R3HDM1: variants seen among roughly 807,000 people sequenced by gnomAD.
The protein encoded by R3HDM1 is R3H domain-containing protein 1.
In R3HDM1, 46 loss-of-function variants were observed where a neutral mutation model predicts 141.1. That is an observed-to-expected ratio of 0.33 (90% CI 0.26 to 0.42). R3HDM1 has a LOEUF of 0.42. R3HDM1 is among the 10% of genes least tolerant of loss of function. The pLI, the probability that R3HDM1 is intolerant of heterozygous loss-of-function variation, is 1.00. For missense variants in R3HDM1, 1,184 were observed against 1,368.3 expected, an observed-to-expected ratio of 0.87 and a Z score of 2.12; for synonymous variants, 435 against 472.9, an observed-to-expected ratio of 0.92 and a Z score of 1.04.
chr2:135,643,276 G>C (rs1309032958), intron 15 of R3HDM1, among the ~76,000 whole-genome samples: 1 of 151,972 alleles, frequency 6.6e-6, no homozygotes, highest in Non-Finnish European at 1.5e-5. Context: ...CTTGTTTTTA[G>C]TTATCTATAA....
intron 21 of R3HDM1, among the ~76,000 whole-genome samples, chr2:135,699,033 A>AGATT (rs1212740806): frequency 4.6e-5 from 4 of 86,314 alleles, no homozygotes; most frequent in Admixed American, 1.2e-4. Context: ...ATAGATAGAT[A>AGATT]GATAGATAGA....
intron 19 of R3HDM1, among the ~76,000 whole-genome samples, chr2:135,666,341 C>T (rs1279094746): frequency 6.6e-6 from 1 of 152,192 alleles, no homozygotes; most frequent in African/African-American, 2.4e-5. Context: ...TTACTGACAA[C>T]TTTCAATCCA....
At chr2:135,543,911 C>T (rs1037571731) in intron 1 of R3HDM1, among the ~76,000 whole-genome samples, 1 of 152,122 alleles carries the variant, frequency 6.6e-6, no homozygotes, top group African/African-American at 2.4e-5. Context: ...TCAGACCACA[C>T]TTAGAGAACC....
At chr2:135,565,646 A>G (rs1241238697) in intron 1 of R3HDM1, 1 of 152,000 alleles carries the variant, frequency 6.6e-6, no homozygotes, top group African/African-American at 2.4e-5. Context: ...AATTAAAAAT[A>G]TAACTTGATA....
At chr2:135,548,578 GC>G (rs373614205) in intron 1 of R3HDM1, among the ~76,000 whole-genome samples, 1 of 149,016 alleles carries the variant, frequency 6.7e-6, no homozygotes, top group Non-Finnish European at 1.5e-5. Context: ...CCCAGTCATC[GC>G]CCCCCCACCC....
chr2:135,700,158 C>T (rs536263861), intron 21 of R3HDM1, among the ~76,000 whole-genome samples: 1 of 149,660 alleles, frequency 6.7e-6, no homozygotes, highest in South Asian at 2.1e-4. Context: ...CATAAGAATC[C>T]AAATAAAAAG....
intron 1 of R3HDM1, among the ~76,000 whole-genome samples, chr2:135,541,938 G>C (rs1485442698): frequency 1.3e-5 from 2 of 151,548 alleles, no homozygotes; most frequent in African/African-American, 4.8e-5. Flanking sequence ...TACCCAAAAT[G>C]TGTGAGACCA....
intron 1 of R3HDM1, chr2:135,581,185 G>A: frequency 1.0e-6 from 1 of 985,064 alleles, no homozygotes; most frequent in African/African-American, 1.7e-5. Flanking sequence ...AATAATGGTT[G>A]CCTATATTAA....
chr2:135,669,638 T>C, intron 19 of R3HDM1: 1 of 893,438 alleles, frequency 1.1e-6, no homozygotes. Flanking sequence ...CAGACAGCTG[T>C]GTGCAGCTCT....
intron 19 of R3HDM1, chr2:135,669,080 T>C (rs1017028358): frequency 1.1e-6 from 1 of 923,300 alleles, no homozygotes; most frequent in African/African-American, 1.8e-5. Context: ...TCTCACTGTT[T>C]TGCCTAGACT....
chr2:135,645,208 CATG>C, intron 15 of R3HDM1, 168 bp from the exon 16 acceptor site: 1 of 521,172 alleles, frequency 1.9e-6, no homozygotes, highest in Non-Finnish European at 3.2e-6. Flanking sequence ...TTAATAGCCT[CATG>C]TCAGAGCAGG....
At position 135,537,277 on chromosome 2, in the gene R3HDM1, C is replaced by CTTT. The variant is rs1036767352; in HGVS notation, c.-250+5668_-250+5670dup. Among the ~76,000 whole-genome samples the CTTT allele has an allele frequency of 1.8e-4, 15 of 84,446 alleles. 1 individual carries two copies. Among genetic ancestry groups the CTTT allele is most frequent in the African/African-American group, 4.9e-4 (9 of 18,376 alleles). 55.4% of individuals were successfully genotyped at this position (84,446 alleles called of 152,430 possible). On this transcript the variant is annotated intron_variant, in intron 1 of 26. Transcript: ENST00000683871. Reference sequence around the variant, plus strand: ...ATAGCTAAAGTGAGCATTAGTCTGTCTTTTTTTTTTTTTTTTTTTTTTTTT... The same window carrying CTTT: ...ATAGCTAAAGTGAGCATTAGTCTGTCTTTTTTTTTTTTTTTTTTTTTTTTTTTT...
chr2:135,605,160 T>C, intron 3 of R3HDM1, 144 bp downstream of exon 3: 2 of 631,110 alleles, frequency 3.2e-6, no homozygotes, highest in Non-Finnish European at 5.2e-6. Context: ...TTGGAGCCAG[T>C]TGGATTAGCT....
At chr2:135,626,549 A>T (rs1332637209) in intron 7 of R3HDM1, among the ~76,000 whole-genome samples, 5 of 152,182 alleles carry the variant, frequency 3.3e-5, no homozygotes. Context: ...TCTCTCTCTA[A>T]ACCTGTGGGA....
At chr2:135,576,463 G>A (rs1705448141) in intron 1 of R3HDM1, among the ~76,000 whole-genome samples, 1 of 152,092 alleles carries the variant, frequency 6.6e-6, no homozygotes, top group Non-Finnish European at 1.5e-5. Flanking sequence ...GATAATAAAT[G>A]ATACCACTGA....
intron 5 of R3HDM1, chr2:135,620,468 C>G: frequency 1.0e-6 from 1 of 970,318 alleles, no homozygotes; most frequent in Non-Finnish European, 1.2e-6. Flanking sequence ...GTTTGTCATC[C>G]TAGTAAAAAC....
At chr2:135,607,120 C>G (rs1274995893) in intron 3 of R3HDM1, 1 of 158,318 alleles carries the variant, frequency 6.3e-6, no homozygotes, top group Non-Finnish European at 1.4e-5. Flanking sequence ...TCCCAAGTAG[C>G]TGGGACTACA....
Position 135,635,803 on chromosome 2 carries a change from C to A in R3HDM1, c.699-87C>A. ...TAAAAAGTGGTAACTTATTTTATTT[C>A]TTTTCATAAAATGTTATGTTTAACT... On this transcript the variant is annotated intron_variant, in intron 9 of 26. Coordinates refer to ENST00000683871, the MANE Select transcript of R3HDM1 (RefSeq NM_001378107.1). 4.8e-6 allele frequency: 7 copies of A among 1,459,186 alleles called. No homozygotes were observed. The South Asian group carries it at 9.0e-5, about 19-fold the overall frequency. The allele number at this position is 1,459,186 out of a possible 1,614,324, so 90.4% of individuals were successfully genotyped here.
chr2:135,567,530 C>T (rs1466807409), intron 1 of R3HDM1, among the ~76,000 whole-genome samples: 7 of 152,178 alleles, frequency 4.6e-5, no homozygotes, highest in South Asian at 2.1e-4. Flanking sequence ...CACCTGTTCG[C>T]CTCTAGAGCT....
Sources: allele counts gnomAD v4.1 joint callset (sites outside exome capture counted in the v4.1 genomes callset), GRCh38; gene constraint gnomAD v4.1.1; transcripts MANE v1.5; gene names NCBI Gene and HGNC (gene_info 2026-07-23, HGNC 2026-07-21).